Variants in CAST observed in about 807,000 individuals in gnomAD.
CAST encodes MIR583 host.
Under a neutral mutation model 119.6 loss-of-function variants are expected in CAST, and 76 were observed. The ratio of observed to expected loss-of-function variants is 0.64; its 90% CI spans 0.53 to 0.77. The LOEUF is 0.77. CAST is among the 30% of genes least tolerant of loss of function. The pLI, the probability that CAST is intolerant of heterozygous loss-of-function variation, is 0.00. For synonymous variants in CAST, 319 were observed against 331.6 expected (o/e 0.96, Z 0.41); for missense variants, 953 against 946.5 (o/e 1.01, Z -0.09).
the CAST span, among the ~76,000 whole-genome samples, chr5:96,446,061 C>A: frequency 5.3e-5 from 8 of 151,918 alleles, no homozygotes; most frequent in East Asian, 1.6e-3. Flanking sequence ...GTTACCCAGG[C>A]TGTTCTCAAA....
chr5:96,369,438 T>C, the CAST span, among the ~76,000 whole-genome samples: 1 of 152,152 alleles, frequency 6.6e-6, no homozygotes, highest in African/African-American at 2.4e-5. Context: ...TAGAAGAAGG[T>C]CTGGCAGCCC....
chr5:96,435,919 T>C, the CAST span, among the ~76,000 whole-genome samples: 2 of 152,194 alleles, frequency 1.3e-5, no homozygotes, highest in Non-Finnish European at 2.9e-5. Context: ...AAATAAAACA[T>C]ATACCCTTGG....
chr5:96,410,072 G>C, the CAST span, among the ~76,000 whole-genome samples: 1 of 152,078 alleles, frequency 6.6e-6, no homozygotes, highest in Admixed American at 6.5e-5. Context: ...TAAATTGGGG[G>C]CCTTACATTT....
At chr5:96,088,239 T>C in the CAST span, among the ~76,000 whole-genome samples, 1 of 152,224 alleles carries the variant, frequency 6.6e-6, no homozygotes, top group Non-Finnish European at 1.5e-5. Flanking sequence ...AATCCATTAA[T>C]GTGACTGCAA....
At chr5:96,554,901 C>T (rs1746204509) in intron 1 of CAST, among the ~76,000 whole-genome samples, 1 of 152,150 alleles carries the variant, frequency 6.6e-6, no homozygotes, top group South Asian at 2.1e-4. Context: ...AGTCAGGAAA[C>T]AACAGATACT....
the CAST span, among the ~76,000 whole-genome samples, chr5:96,495,595 A>T: frequency 6.6e-6 from 1 of 151,760 alleles, no homozygotes; most frequent in Non-Finnish European, 1.5e-5. Flanking sequence ...AAGAACATGA[A>T]CTCCTTCTTT....
the CAST span, among the ~76,000 whole-genome samples, chr5:96,419,328 A>T: frequency 0.28 from 39,697 of 142,120 alleles, 5,457 homozygotes; most frequent in African/African-American, 0.31. Context: ...TATATATATA[A>T]AACCTCACTT....
At chr5:96,200,976 C>T in the CAST span, among the ~76,000 whole-genome samples, 1 of 151,976 alleles carries the variant, frequency 6.6e-6, no homozygotes, top group Non-Finnish European at 1.5e-5. Flanking sequence ...TTCACATCTA[C>T]GTGTGGCTTT....
chr5:96,539,653 C>G (rs937752637), intron 1 of CAST, among the ~76,000 whole-genome samples: 9 of 152,148 alleles, frequency 5.9e-5, no homozygotes, highest in African/African-American at 1.9e-4. Flanking sequence ...TTCACCTCTT[C>G]ATCCCTGTCT....
chr5:96,200,056 A>G, the CAST span, among the ~76,000 whole-genome samples: 1 of 152,136 alleles, frequency 6.6e-6, no homozygotes, highest in Non-Finnish European at 1.5e-5. Context: ...ATATTTGTAG[A>G]TAAAACAGCT....
the CAST span, among the ~76,000 whole-genome samples, chr5:96,150,599 G>T: frequency 6.6e-6 from 1 of 152,180 alleles, no homozygotes; most frequent in African/African-American, 2.4e-5. Flanking sequence ...ATTGAGAATG[G>T]CCAGCCCTTC....
the CAST span, among the ~76,000 whole-genome samples, chr5:95,997,962 G>GTTTTT: frequency 1.1e-4 from 12 of 111,694 alleles, no homozygotes; most frequent in South Asian, 3.4e-4. Flanking sequence ...TTTGAGAGAG[G>GTTTTT]GTTTTTTTTT....
chr5:96,561,673 G>T (rs1033547438), intron 1 of CAST, among the ~76,000 whole-genome samples: 11 of 150,910 alleles, frequency 7.3e-5, no homozygotes, highest in African/African-American at 2.0e-4. Context: ...TAACAAAACT[G>T]CATGTTCTGC....
intron 1 of CAST, among the ~76,000 whole-genome samples, chr5:96,576,702 G>T (rs929408766): frequency 6.6e-6 from 1 of 151,698 alleles, no homozygotes. Context: ...TTTAAATGTT[G>T]TAGGGCTATT....
the CAST span, among the ~76,000 whole-genome samples, chr5:96,304,882 A>G: frequency 6.6e-6 from 1 of 152,078 alleles, no homozygotes; most frequent in African/African-American, 2.4e-5. Context: ...GTCAGGTAGT[A>G]TGATGCCTCC....
the CAST span, among the ~76,000 whole-genome samples, chr5:96,153,326 G>C: frequency 3.9e-5 from 6 of 152,132 alleles, no homozygotes; most frequent in East Asian, 1.2e-3. Context: ...CAGAGAGAGA[G>C]AGACATCTGG....
At chr5:96,426,342 G>A in the CAST span, among the ~76,000 whole-genome samples, 56,743 of 152,006 alleles carry the variant, frequency 0.37, 10,849 homozygotes, top group East Asian at 0.46. Context: ...CTGTTATAAT[G>A]CTTTTATAGA....
At chr5:96,540,023 C>T (rs923514502) in intron 1 of CAST, among the ~76,000 whole-genome samples, 1 of 152,010 alleles carries the variant, frequency 6.6e-6, no homozygotes, top group Non-Finnish European at 1.5e-5. Flanking sequence ...TAGTATACCT[C>T]TTTATCTTAC....
chr5:96,217,680 G>T, the CAST span, among the ~76,000 whole-genome samples: 1 of 152,286 alleles, frequency 6.6e-6, no homozygotes, highest in South Asian at 2.1e-4. Context: ...CAATATGGAT[G>T]AGTGTCAGAA....
Sources: gnomAD v4.1 joint callset for allele counts (sites outside exome capture counted in the v4.1 genomes callset) on GRCh38, gnomAD v4.1.1 for gene constraint, MANE v1.5 for transcripts, NCBI Gene and HGNC (gene_info 2026-07-23, HGNC 2026-07-21) for gene names.